The following CEP128 variants were observed in gnomAD, a reference collection of about 807,000 sequenced individuals.
The protein encoded by CEP128 is centrosomal protein 128kDa.
Under a neutral mutation model 156.7 loss-of-function variants are expected in CEP128, and 132 were observed. The observed-to-expected ratio is 0.84, with a 90% confidence interval of 0.73 to 0.97. The LOEUF (loss-of-function observed/expected upper bound fraction) is 0.97. Ranked by LOEUF, CEP128 falls within the 50% of genes least tolerant of loss-of-function variation. CEP128 has a pLI of 0.00. For missense variants in CEP128, 1,252 were observed against 1,281.9 expected (o/e 0.98, Z 0.36); for synonymous variants, 469 against 448.9 (o/e 1.04, Z -0.57).
At chr14:80,503,172 A>G (rs1887815315) in intron 24 of CEP128, among the ~76,000 whole-genome samples, 1 of 152,048 alleles carries the variant, frequency 6.6e-6, no homozygotes, top group African/African-American at 2.4e-5. Flanking sequence ...AAACTAATGA[A>G]GAGTTTTACT....
intron 19 of CEP128, among the ~76,000 whole-genome samples, chr14:80,659,416 G>C (rs1430883916): frequency 6.6e-6 from 1 of 152,102 alleles, no homozygotes; most frequent in East Asian, 1.9e-4. Context: ...ATGGAGCTTG[G>C]CACATAACAA....
At chr14:80,542,806 A>T (rs1371337821) in intron 21 of CEP128, among the ~76,000 whole-genome samples, 1 of 152,180 alleles carries the variant, frequency 6.6e-6, no homozygotes, top group Non-Finnish European at 1.5e-5. Context: ...CCTGGAGCAG[A>T]GGGTCCTGAT....
chr14:80,485,718 G>A (rs142917289), downstream of CEP128, among the ~76,000 whole-genome samples: 11 of 152,156 alleles, frequency 7.2e-5, no homozygotes, highest in Admixed American at 5.2e-4. Flanking sequence ...ATGAATAAAT[G>A]GATAGATGAT....
intron 19 of CEP128, among the ~76,000 whole-genome samples, chr14:80,636,220 T>C (rs1242399478): frequency 6.6e-6 from 1 of 152,210 alleles, no homozygotes; most frequent in Non-Finnish European, 1.5e-5. Context: ...GACTATTTGC[T>C]AAATAGTTGC....
intron 2 of CEP128, among the ~76,000 whole-genome samples, chr14:80,935,552 G>A (rs1270076472): frequency 4.7e-5 from 6 of 126,362 alleles, no homozygotes; most frequent in African/African-American, 7.0e-5. Flanking sequence ...GTAAGAGTCT[G>A]TCTCAATAAA....
intron 19 of CEP128, among the ~76,000 whole-genome samples, chr14:80,648,002 A>C (rs1253925619): frequency 6.6e-6 from 1 of 152,112 alleles, no homozygotes; most frequent in Non-Finnish European, 1.5e-5. Flanking sequence ...TCTAGGCTTT[A>C]CTGTAGATAA....
At chr14:80,768,963 C>G (rs1011563921) in intron 16 of CEP128, among the ~76,000 whole-genome samples, 1 of 152,124 alleles carries the variant, frequency 6.6e-6, no homozygotes, top group Admixed American at 6.5e-5. Context: ...CTAAATGATA[C>G]TTTATGCATT....
intron 2 of CEP128, among the ~76,000 whole-genome samples, chr14:80,953,819 G>C (rs1387309480): frequency 6.6e-6 from 1 of 152,074 alleles, no homozygotes; most frequent in Non-Finnish European, 1.5e-5. Context: ...TCTTTTTCCT[G>C]TCCCTATGGT....
In CEP128 at chr14:80,497,551, T is replaced by G. The variant is rs148747041; in HGVS notation, c.3213A>C (p.Ser1071=). The change falls in exon 25 of 25, where the codon TCA becomes TCC. Residue 1071 remains serine, a synonymous_variant. Coordinates refer to ENST00000555265, the MANE Select transcript of CEP128 (RefSeq NM_152446.5). ...SFTKRTVAPD[S]ASNKEDATMN... ...TTGTGGCATCTTCCTTGTTTGAAGCTGAATCTGGAGCAACAGTTCTTTTGG... is the reference window on the plus strand; with the variant it reads ...TTGTGGCATCTTCCTTGTTTGAAGCGGAATCTGGAGCAACAGTTCTTTTGG... The G allele has an allele frequency of 2.1e-4, 333 of 1,613,304 alleles. No homozygotes were observed. In the African/African-American group the frequency reaches 4.1e-3, roughly 20 times the overall value.
chr14:80,700,538 G>A (rs1481241394), intron 19 of CEP128, among the ~76,000 whole-genome samples: 1 of 150,066 alleles, frequency 6.7e-6, no homozygotes, highest in African/African-American at 2.5e-5. Context: ...CCCCAAAAAA[G>A]CCATATTTCA....
At chr14:80,796,977 T>C (rs933331542) in intron 13 of CEP128, among the ~76,000 whole-genome samples, 1 of 152,198 alleles carries the variant, frequency 6.6e-6, no homozygotes, top group Admixed American at 6.5e-5. Context: ...TGTATTTTAA[T>C]AGTGAGCAGA....
At chr14:80,626,811 T>A (rs1377512367) in intron 19 of CEP128, among the ~76,000 whole-genome samples, 1 of 152,062 alleles carries the variant, frequency 6.6e-6, no homozygotes, top group Non-Finnish European at 1.5e-5. Context: ...GCACCTATAA[T>A]CCCAGCTACT....
At chr14:80,772,630 G>T (rs1352844420) in intron 16 of CEP128, among the ~76,000 whole-genome samples, 2 of 152,138 alleles carry the variant, frequency 1.3e-5, no homozygotes, top group Non-Finnish European at 2.9e-5. Flanking sequence ...GCCTACTAGG[G>T]CCTCAGGAGT....
intron 2 of CEP128, among the ~76,000 whole-genome samples, chr14:80,922,803 G>GTC (rs1884943767): frequency 6.6e-6 from 1 of 152,162 alleles, no homozygotes; most frequent in South Asian, 2.1e-4. Flanking sequence ...GAAAGAAAAG[G>GTC]AAGAACTGCT....
chr14:80,677,281 C>G (rs1426211864), intron 19 of CEP128, among the ~76,000 whole-genome samples: 2 of 151,946 alleles, frequency 1.3e-5, no homozygotes, highest in Non-Finnish European at 2.9e-5. Context: ...CTGAGGTGGG[C>G]AGATCACCTG....
At chr14:80,830,953 C>A in intron 13 of CEP128, 190 bp downstream of exon 13, 1 of 521,042 alleles carries the variant, frequency 1.9e-6, no homozygotes. Context: ...CTTTGGGGTC[C>A]TGAATGAAAG....
intron 21 of CEP128, among the ~76,000 whole-genome samples, chr14:80,547,370 G>T (rs1238405410): frequency 6.6e-6 from 1 of 152,178 alleles, no homozygotes; most frequent in African/African-American, 2.4e-5. Flanking sequence ...TACTTGCAAA[G>T]CGTTCTTTAC....
At chr14:80,556,564 G>A (rs1404300106) in intron 21 of CEP128, among the ~76,000 whole-genome samples, 2 of 152,138 alleles carry the variant, frequency 1.3e-5, no homozygotes, top group African/African-American at 4.8e-5. Flanking sequence ...TGTGACCTAA[G>A]CAGATAGATA....
chr14:80,547,684 T>C (rs1288354734), intron 21 of CEP128, among the ~76,000 whole-genome samples: 2 of 152,130 alleles, frequency 1.3e-5, no homozygotes, highest in Non-Finnish European at 2.9e-5. Flanking sequence ...TAATATAATA[T>C]GATTAAACTA....
Sources: allele counts gnomAD v4.1 joint callset (sites outside exome capture counted in the v4.1 genomes callset), GRCh38; gene constraint gnomAD v4.1.1; transcripts MANE v1.5; gene names NCBI Gene and HGNC (gene_info 2026-07-23, HGNC 2026-07-21).